MYO3A: variants seen among roughly 807,000 people sequenced by gnomAD.
The protein encoded by MYO3A is myosin IIIA.
Under a neutral mutation model 192.7 loss-of-function variants are expected in MYO3A, and 180 were observed. The observed-to-expected ratio is 0.93, with a 90% CI of 0.83 to 1.06. The LOEUF is 1.06. MYO3A is among the 50% of genes least tolerant of loss of function. MYO3A has a pLI of 0.00. For missense variants in MYO3A, 1,896 were observed against 1,905.0 expected, an observed-to-expected ratio of 1.00 and a Z score of 0.09; for synonymous variants, 628 against 645.3, an observed-to-expected ratio of 0.97 and a Z score of 0.41.
At chr10:26,166,620 T>C (rs1841767484) in intron 27 of MYO3A, among the ~76,000 whole-genome samples, 1 of 152,216 alleles carries the variant, frequency 6.6e-6, no homozygotes, top group Non-Finnish European at 1.5e-5. Flanking sequence ...GGATAAACCA[T>C]AATGATTGTA....
chr10:26,205,449 C>G (rs1249057610), intron 34 of MYO3A, among the ~76,000 whole-genome samples: 4 of 140,384 alleles, frequency 2.8e-5, no homozygotes, highest in Admixed American at 1.4e-4. Context: ...CTACTCACTG[C>G]TCTGTGTGCT....
At chr10:26,150,423 T>C (rs2153826) in intron 23 of MYO3A, among the ~76,000 whole-genome samples, 112,005 of 152,078 alleles carry the variant, frequency 0.74, 41,599 homozygotes, top group African/African-American at 0.82. Flanking sequence ...CCTAAGTTGC[T>C]TTGTAGAATT....
intron 20 of MYO3A, among the ~76,000 whole-genome samples, chr10:26,135,144 G>A (rs1032462265): frequency 6.6e-6 from 1 of 152,102 alleles, no homozygotes; most frequent in Non-Finnish European, 1.5e-5. Flanking sequence ...ATGAAACCAG[G>A]ACCAGAGTAA....
chr10:26,103,045 C>T (rs113148109), intron 17 of MYO3A, among the ~76,000 whole-genome samples: 1 of 152,226 alleles, frequency 6.6e-6, no homozygotes, highest in Non-Finnish European at 1.5e-5. Context: ...GTGGTGGACT[C>T]CACCCACTTC....
At position 25,996,358 on chromosome 10, in the gene MYO3A, A is replaced by C. The variant is rs41279906; in HGVS notation, c.304-132A>C. The C allele has an allele frequency of 0.059, 42,173 of 710,392 alleles. 2,262 individuals are homozygous for C. Among genetic ancestry groups the C allele is most frequent in the African/African-American group, 0.22 (12,118 of 56,084 alleles). 44.0% of individuals were successfully genotyped at this position (710,392 alleles called of 1,614,324 possible). ...ATATATTCATTTTATTTATGAAAGC[A>C]TAAAGATAATGGCATTAATCATTTG... On this transcript the variant is annotated intron_variant, in intron 4 of 34. Coordinates refer to ENST00000642920, the MANE Select transcript of MYO3A (RefSeq NM_017433.5).
chr10:26,210,016 T>C (rs1432458356), intron 34 of MYO3A, among the ~76,000 whole-genome samples: 1 of 151,694 alleles, frequency 6.6e-6, no homozygotes, highest in Admixed American at 6.6e-5. Flanking sequence ...GGCTGGAGGA[T>C]CAGTTGAGCT....
intron 10 of MYO3A, among the ~76,000 whole-genome samples, chr10:26,049,195 G>A (rs1180693233): frequency 6.6e-6 from 1 of 152,182 alleles, no homozygotes. Flanking sequence ...CATACTCATT[G>A]ATATAAACAC....
At chr10:26,188,620 G>A (rs991797223) in intron 31 of MYO3A, among the ~76,000 whole-genome samples, 1 of 152,154 alleles carries the variant, frequency 6.6e-6, no homozygotes, top group Non-Finnish European at 1.5e-5. Flanking sequence ...ATGGTTTTAG[G>A]TCTAACATTT....
intron 29 of MYO3A, among the ~76,000 whole-genome samples, chr10:26,172,320 C>G (rs2132027833): frequency 6.6e-6 from 1 of 152,332 alleles, no homozygotes; most frequent in African/African-American, 2.4e-5. Flanking sequence ...TGGAGAAAGG[C>G]CCAGGCCGGC....
At chr10:25,977,849 T>C (rs1197377726) in intron 4 of MYO3A, among the ~76,000 whole-genome samples, 3 of 152,114 alleles carry the variant, frequency 2.0e-5, no homozygotes, top group Non-Finnish European at 4.4e-5. Context: ...TCACTTCCAC[T>C]TCCAGATAGA....
At chr10:26,010,160 T>C (rs1295109611) in intron 6 of MYO3A, among the ~76,000 whole-genome samples, 1 of 152,120 alleles carries the variant, frequency 6.6e-6, no homozygotes, top group Non-Finnish European at 1.5e-5. Context: ...TTATCAGATA[T>C]GAACTAAGTT....
chr10:26,101,120 T>G (rs1406296340), intron 17 of MYO3A, among the ~76,000 whole-genome samples: 5 of 152,264 alleles, frequency 3.3e-5, no homozygotes, highest in Non-Finnish European at 7.3e-5. Flanking sequence ...TTAGCTCTTC[T>G]TATTGAATTG....
chr10:26,072,701 T>TAAA (rs59197337), intron 14 of MYO3A, among the ~76,000 whole-genome samples: 54,722 of 149,512 alleles, frequency 0.37, 10,421 homozygotes, highest in Middle Eastern at 0.5. Flanking sequence ...TCTATGTTTA[T>TAAA]AAAAAAAAAA....
intron 17 of MYO3A, among the ~76,000 whole-genome samples, chr10:26,113,639 T>A (rs1214361219): frequency 1.3e-5 from 2 of 152,138 alleles, no homozygotes; most frequent in African/African-American, 4.8e-5. Context: ...ATGCCATGAT[T>A]TGGCCAACAT....
chr10:26,040,813 A>G (rs1463050276), intron 10 of MYO3A, among the ~76,000 whole-genome samples: 1 of 152,160 alleles, frequency 6.6e-6, no homozygotes, highest in Non-Finnish European at 1.5e-5. Context: ...GTGACCTAAC[A>G]TATCATATAT....
chr10:26,168,633 T>C, intron 27 of MYO3A, 79 bp from the exon 28 acceptor site: 1 of 1,430,640 alleles, frequency 7.0e-7, no homozygotes, highest in South Asian at 1.2e-5. Flanking sequence ...TTAGAATGTG[T>C]TCTGTTCTTC....
intron 2 of MYO3A, among the ~76,000 whole-genome samples, chr10:25,948,534 T>C (rs1837008250): frequency 6.6e-6 from 1 of 152,130 alleles, no homozygotes; most frequent in Admixed American, 6.5e-5. Context: ...TTTATATGTT[T>C]TAATTTTATA....
chr10:26,059,146 A>C (rs1038597343), intron 10 of MYO3A, among the ~76,000 whole-genome samples: 3 of 152,024 alleles, frequency 2.0e-5, no homozygotes, highest in Non-Finnish European at 4.4e-5. Context: ...AGATAGTTTT[A>C]TTTCTTTCTT....
At chr10:26,192,934 C>T (rs1214807722) in intron 31 of MYO3A, among the ~76,000 whole-genome samples, 4 of 152,096 alleles carry the variant, frequency 2.6e-5, no homozygotes, top group Non-Finnish European at 4.4e-5. Flanking sequence ...GGATAACAGG[C>T]GTGAACCACT....
Sources: allele counts gnomAD v4.1 joint callset (sites outside exome capture counted in the v4.1 genomes callset), GRCh38; gene constraint gnomAD v4.1.1; transcripts MANE v1.5; gene names NCBI Gene and HGNC (gene_info 2026-07-23, HGNC 2026-07-21).